The following DGKI variants were observed in gnomAD, a reference collection of about 807,000 sequenced individuals.
DGKI encodes diacylglycerol kinase iota, also known as DAG kinase iota.
In DGKI, 55 loss-of-function variants were observed where a neutral mutation model predicts 147.5. That is an observed-to-expected ratio of 0.37 (90% CI 0.30 to 0.47). The LOEUF is 0.47. Among genes scored for constraint, DGKI ranks in the 20% least tolerant of loss-of-function variants. DGKI has a pLI of 1.00. For synonymous variants in DGKI, 469 were observed against 477.1 expected, an observed-to-expected ratio of 0.98 and a Z score of 0.22; for missense variants, 1,007 against 1,323.8, an observed-to-expected ratio of 0.76 and a Z score of 3.71.
At chr7:137,476,407 T>C (rs1311196248) in intron 23 of DGKI, among the ~76,000 whole-genome samples, 1 of 152,228 alleles carries the variant, frequency 6.6e-6, no homozygotes, top group African/African-American at 2.4e-5. Flanking sequence ...ATGGTGGCTA[T>C]AGATTAAATA....
At chr7:137,680,341 G>A (rs1438400802) in intron 2 of DGKI, among the ~76,000 whole-genome samples, 1 of 152,182 alleles carries the variant, frequency 6.6e-6, no homozygotes, top group Non-Finnish European at 1.5e-5. Context: ...AGCAGCCTGA[G>A]CAGATGACTT....
intron 1 of DGKI, among the ~76,000 whole-genome samples, chr7:137,711,613 A>G (rs545822157): frequency 1.3e-4 from 19 of 151,052 alleles, no homozygotes; most frequent in East Asian, 3.9e-4. Context: ...TTGCAGTCAG[A>G]CTGCCTGAAC....
In DGKI at chr7:137,664,184, C is replaced by A. The variant is rs537924223; in HGVS notation, c.607-7644G>T. ...ATGAGGCTGGGAGTTCAAGACCAGC[C>A]TGGCCAACGTGTCAAAAGCCTGTCT... On this transcript the variant is annotated intron_variant, in intron 3 of 32. Coordinates refer to ENST00000614521, the MANE Select transcript of DGKI (RefSeq NM_001321708.2). 2.0e-5 allele frequency among the ~76,000 whole-genome samples: 3 copies of A among 151,988 alleles called. No homozygotes were observed. In the South Asian group the frequency reaches 6.2e-4, roughly 32 times the overall value.
At chr7:137,663,928 C>G (rs562517473) in intron 3 of DGKI, among the ~76,000 whole-genome samples, 1 of 152,130 alleles carries the variant, frequency 6.6e-6, no homozygotes, top group Non-Finnish European at 1.5e-5. Context: ...AACCCTCAAT[C>G]AGCCCCGGTC....
chr7:137,426,275 C>G (rs1236563553), intron 28 of DGKI, among the ~76,000 whole-genome samples: 3 of 152,122 alleles, frequency 2.0e-5, no homozygotes, highest in Non-Finnish European at 4.4e-5. Flanking sequence ...ATTTCCAACC[C>G]AGAATTTCAT....
At chr7:137,439,016 A>T (rs77426577) in intron 28 of DGKI, among the ~76,000 whole-genome samples, 1,711 of 152,338 alleles carry the variant, frequency 0.011, 32 homozygotes, top group African/African-American at 0.039. Flanking sequence ...GCAGAATAGT[A>T]GTTATTTCTG....
Position 137,467,322 on chromosome 7 carries a change from G to A in DGKI, c.2444-380C>T, listed in dbSNP as rs931968896. Among the ~76,000 whole-genome samples the A allele has an allele frequency of 3.9e-5, 6 of 152,176 alleles. No homozygotes were observed. The South Asian group carries it at 1.2e-3, about 32-fold the overall frequency. ...ACAGACTATCTTCACAGATAACCAT[G>A]AGACTAAGAGACCTGCCTCTTTAAA... On this transcript the variant is annotated intron_variant, in intron 24 of 32. Transcript: ENST00000614521.
At chr7:137,500,565 CAT>C (rs2128942171) in intron 21 of DGKI, among the ~76,000 whole-genome samples, 1 of 152,132 alleles carries the variant, frequency 6.6e-6, no homozygotes, top group South Asian at 2.1e-4. Context: ...CAAGATAAAA[CAT>C]AACAAAATAT....
intron 28 of DGKI, among the ~76,000 whole-genome samples, chr7:137,417,074 T>C (rs1812387929): frequency 6.6e-6 from 1 of 152,190 alleles, no homozygotes; most frequent in African/African-American, 2.4e-5. Flanking sequence ...AATAACCTTC[T>C]GAAGGATTGA....
intron 21 of DGKI, among the ~76,000 whole-genome samples, chr7:137,517,047 C>T (rs185570142): frequency 7.4e-4 from 112 of 151,534 alleles, no homozygotes; most frequent in Admixed American, 3.0e-3. Context: ...CATGATGGGG[C>T]AAAAAGCCTA....
chr7:137,421,835 C>T lies in DGKI; in HGVS notation c.2762-9628G>A, dbSNP rs73459144. On this transcript the variant is annotated intron_variant, in intron 28 of 32. Transcript: ENST00000614521. ...TTAATAAATAGTTGGTTGATCCTTT[C>T]GACCTGGTGATTCAGCCGGCTATCA... Among the ~76,000 whole-genome samples the T allele has an allele frequency of 9.5e-3, 1,445 of 152,266 alleles. 15 individuals are homozygous for T. The highest frequency in any genetic ancestry group is 0.033 in the African/African-American group (1,380 of 41,544).
chr7:137,779,888 CTT>C (rs1455533249), intron 1 of DGKI, among the ~76,000 whole-genome samples: 6 of 152,176 alleles, frequency 3.9e-5, no homozygotes, highest in South Asian at 4.1e-4. Context: ...TTAAATGAAA[CTT>C]CAGTCATTCA....
In DGKI at chr7:137,602,170, A is replaced by G. The variant is rs1820013517; in HGVS notation, c.1168-2265T>C. On this transcript the variant is annotated intron_variant, in intron 10 of 32. Coordinates refer to ENST00000614521, the MANE Select transcript of DGKI (RefSeq NM_001321708.2). Reference sequence around the variant, plus strand: ...TGACTTGCTAGAAAGTTCTTTGTTCAGTTTTAGATTCCTAGAGTAGTTTGA... The same window carrying G: ...TGACTTGCTAGAAAGTTCTTTGTTCGGTTTTAGATTCCTAGAGTAGTTTGA... Among the ~76,000 whole-genome samples, 4 of 152,230 alleles carry G rather than the reference A, an allele frequency of 2.6e-5. No homozygotes were observed. In the South Asian group the frequency reaches 8.3e-4, roughly 32 times the overall value.
chr7:137,751,307 T>C (rs1387038846), intron 1 of DGKI, among the ~76,000 whole-genome samples: 1 of 152,216 alleles, frequency 6.6e-6, no homozygotes, highest in Non-Finnish European at 1.5e-5. Flanking sequence ...ATGTATATTG[T>C]CTATAGCCAC....
At chr7:137,508,180 T>G (rs1816435158) in intron 21 of DGKI, among the ~76,000 whole-genome samples, 1 of 151,810 alleles carries the variant, frequency 6.6e-6, no homozygotes, top group African/African-American at 2.4e-5. Context: ...AAAACAGCCT[T>G]CATGTTTCCC....
At chr7:137,475,782 C>A (rs892915704) in intron 23 of DGKI, among the ~76,000 whole-genome samples, 2 of 152,148 alleles carry the variant, frequency 1.3e-5, no homozygotes, top group Middle Eastern at 3.2e-3. Flanking sequence ...CAAGTTTCAA[C>A]TTCTTTTCCC....
At chr7:137,463,686 T>C (rs1814541637) in intron 26 of DGKI, 75 bp from the exon 27 acceptor site, 4 of 1,561,636 alleles carry the variant, frequency 2.6e-6, no homozygotes, top group Non-Finnish European at 3.5e-6. Context: ...TTTCTGAAGA[T>C]GAATCTTGCC....
At chr7:137,694,598 A>G (rs1157777678) in intron 1 of DGKI, among the ~76,000 whole-genome samples, 25 of 152,214 alleles carry the variant, frequency 1.6e-4, no homozygotes, top group Non-Finnish European at 1.5e-5. Flanking sequence ...AGATTGACAC[A>G]TTAGAGACTG....
rs376124099 is a variant in DGKI at position 137,759,866 on chromosome 7, CAG to C, written c.402-69866_402-69865del. Among the ~76,000 whole-genome samples, 65 of 152,016 alleles carry C rather than the reference CAG, an allele frequency of 4.3e-4. No homozygotes were observed. In the East Asian group the frequency reaches 4.5e-3, roughly 10 times the overall value. On this transcript the variant is annotated intron_variant, in intron 1 of 32. Transcript: ENST00000614521. ...TTTTGAGCATCCTCAGAAAAAAAAA[CAG>C]AGTCTTGATATTCTCATGCCTCATT...
Sources: allele counts gnomAD v4.1 joint callset (sites outside exome capture counted in the v4.1 genomes callset), GRCh38; gene constraint gnomAD v4.1.1; transcripts MANE v1.5; gene names NCBI Gene and HGNC (gene_info 2026-07-23, HGNC 2026-07-21).